The following STRADA variants were observed in gnomAD, a reference collection of about 807,000 sequenced individuals.
The protein encoded by STRADA is STE20-related kinase adapter protein alpha.
A neutral mutation model predicts 55.0 loss-of-function variants in STRADA; 26 were observed. The ratio of observed to expected loss-of-function variants is 0.47; its 90% CI spans 0.35 to 0.66. The LOEUF (loss-of-function observed/expected upper bound fraction) is 0.66, where lower values mean the gene tolerates loss of function less well. STRADA is among the 30% of genes least tolerant of loss of function. The pLI, the probability that STRADA is intolerant of heterozygous loss-of-function variation, is 0.01. For synonymous variants in STRADA, 197 were observed against 210.9 expected, an observed-to-expected ratio of 0.93 and a Z score of 0.57; for missense variants, 443 against 549.7, an observed-to-expected ratio of 0.81 and a Z score of 1.94.
intron 1 of STRADA, among the ~76,000 whole-genome samples, chr17:63,739,805 G>GTACA (rs1555712015): frequency 1.3e-4 from 4 of 30,990 alleles, no homozygotes; most frequent in African/African-American, 3.8e-4. Flanking sequence ...ATAATTATAT[G>GTACA]TATATACATA....
intron 12 of STRADA, 48 bp downstream of exon 12, chr17:63,703,957 G>A (rs765655757): frequency 3.8e-6 from 6 of 1,599,758 alleles, no homozygotes; most frequent in Non-Finnish European, 5.1e-6. Context: ...ATTGTGAGTT[G>A]TTAGAACCAG....
chr17:63,704,988 A>G, intron 10 of STRADA: 1 of 1,338,556 alleles, frequency 7.5e-7, no homozygotes, highest in Non-Finnish European at 1.0e-6. Context: ...ATGAGGTCTG[A>G]GAGGCAGTCC....
chr17:63,720,825 G>A lies in STRADA; in HGVS notation c.123+2473C>T, dbSNP rs534670430. Among the ~76,000 whole-genome samples the A allele has an allele frequency of 4.0e-5, 6 of 151,786 alleles. No individual in the cohort carries two copies. The East Asian group carries it at 1.2e-3, about 29-fold the overall frequency. On this transcript the variant is annotated intron_variant, in intron 4 of 12. Coordinates refer to ENST00000336174, the MANE Select transcript of STRADA (RefSeq NM_001003787.4). ...GAAAATAAAGTTCTTGGCCAGGCAT[G>A]GTGGCTCACGCCTGTAATCCCAGCA... is the stretch of plus-strand genomic sequence containing the variant.
rs1337166326 is a variant in STRADA, at chr17:63,714,757, T to C, written c.124-649A>G. 1.3e-5 allele frequency among the ~76,000 whole-genome samples: 2 copies of C among 152,204 alleles called. 1 individual carries two copies. The highest frequency in any genetic ancestry group is 2.9e-5 in the Non-Finnish European group (2 of 68,040). ...CTCCCTCGTTCCTGCCCACGTGTGC[T>C]GTGAGTGAAGCTGGAGTCCAGCCAC... is the stretch of plus-strand genomic sequence containing the variant. On this transcript the variant is annotated intron_variant, in intron 4 of 12. Coordinates refer to ENST00000336174, the MANE Select transcript of STRADA (RefSeq NM_001003787.4).
Position 63,707,104 on chromosome 17 carries a change from C to T in STRADA, c.753+143G>A. ...CACATCCATCTGCAGTGGACAGGCGCTGCCCACGCTGAGGGCTCCCTCCCT... is the reference window on the plus strand; with the variant it reads ...CACATCCATCTGCAGTGGACAGGCGTTGCCCACGCTGAGGGCTCCCTCCCT... On this transcript the variant is annotated intron_variant, in intron 9 of 12. Transcript: ENST00000336174. The T allele has an allele frequency of 3.9e-6, 4 of 1,015,518 alleles. No individual in the cohort carries two copies. The South Asian group carries it at 6.2e-5, about 16-fold the overall frequency. 62.9% of individuals were successfully genotyped at this position (1,015,518 alleles called of 1,614,324 possible). A position where few individuals can be genotyped will look rare whatever the true frequency, so the allele number is the denominator to read the frequency against.
chr17:63,730,083 G>C (rs535707475), intron 1 of STRADA, among the ~76,000 whole-genome samples: 6 of 151,864 alleles, frequency 4.0e-5, no homozygotes, highest in African/African-American at 1.4e-4. Flanking sequence ...TGATCCACCC[G>C]CCTCGGCCTC....
intron 4 of STRADA, among the ~76,000 whole-genome samples, chr17:63,722,202 T>G (rs2037363452): frequency 6.6e-6 from 1 of 152,252 alleles, no homozygotes; most frequent in Non-Finnish European, 1.5e-5. Context: ...AAATGCATTT[T>G]ATTCATTTTG....
In STRADA at chr17:63,713,867, C is replaced by A. The variant is rs545681702; in HGVS notation, c.226+139G>T. On this transcript the variant is annotated intron_variant, in intron 5 of 12. Transcript: ENST00000336174. Reference sequence around the variant, plus strand: ...ACTTGGCATAAAAAAACAGAGAAGACCCACAGAAGCAAGTCTGTGCCCATG... The same window carrying A: ...ACTTGGCATAAAAAAACAGAGAAGAACCACAGAAGCAAGTCTGTGCCCATG... 3.4e-5 allele frequency: 25 copies of A among 733,866 alleles called. No homozygotes were observed. The South Asian group carries it at 3.9e-4, about 11-fold the overall frequency. The allele number at this position is 733,866 out of a possible 1,614,324, so 45.5% of individuals were successfully genotyped here. A position where few individuals can be genotyped will look rare whatever the true frequency, so the allele number is the denominator to read the frequency against.
chr17:63,708,997 C>T (rs1005139169), intron 8 of STRADA, among the ~76,000 whole-genome samples: 1 of 152,184 alleles, frequency 6.6e-6, no homozygotes, highest in Non-Finnish European at 1.5e-5. Context: ...GTGTACCTTT[C>T]ATCTTTTCTT....
chr17:63,728,145 G>C, intron 2 of STRADA, 189 bp downstream of exon 2: 1 of 526,562 alleles, frequency 1.9e-6, no homozygotes, highest in Non-Finnish European at 3.4e-6. Flanking sequence ...TAAATTTTGT[G>C]TCTCTGGTCA....
chr17:63,705,190 T>A (rs2036001892), intron 10 of STRADA: 6 of 549,848 alleles, frequency 1.1e-5, no homozygotes, highest in Admixed American at 9.2e-5. Flanking sequence ...ACCTGGAAAT[T>A]GCTCTAGAGC....
At chr17:63,740,667 G>A (rs1006937525) in intron 1 of STRADA, among the ~76,000 whole-genome samples, 1 of 152,168 alleles carries the variant, frequency 6.6e-6, no homozygotes, top group African/African-American at 2.4e-5. Context: ...CAGGTGTGCA[G>A]GGAGGTTAAA....
chr17:63,740,107 T>TATATATATATATATACATACAC (rs1309095081), intron 1 of STRADA, among the ~76,000 whole-genome samples: 1 of 49,648 alleles, frequency 2.0e-5, no homozygotes, highest in African/African-American at 9.5e-5. Flanking sequence ...TATATATATA[T>TATATATATATATATACATACAC]ACATACATAC....
rs2037781998 is a variant in STRADA at position 63,728,188 on chromosome 17, G to A, written c.36+146C>T. On this transcript the variant is annotated intron_variant, in intron 2 of 12. Transcript: ENST00000336174. ...TCTGCAAACTCTTCTCAGGAGTGGAGGCTGCACTACCTGCCTTACTTCCTA... is the reference window on the plus strand; with the variant it reads ...TCTGCAAACTCTTCTCAGGAGTGGAAGCTGCACTACCTGCCTTACTTCCTA... The A allele has an allele frequency of 1.1e-5, 7 of 663,304 alleles. No homozygotes were observed. In the South Asian group the frequency reaches 1.4e-4, roughly 13 times the overall value. 41.1% of individuals were successfully genotyped at this position (663,304 alleles called of 1,614,324 possible).
rs941332450 is a variant in STRADA at position 63,703,722 on chromosome 17, G to A, written c.1173C>T (p.Pro391=). 12 of 1,614,186 alleles carry A rather than the reference G, an allele frequency of 7.4e-6. No individual in the cohort carries two copies. The highest frequency in any genetic ancestry group is 1.3e-5 in the African/African-American group (1 of 75,060). Residue 391 remains proline, a synonymous_variant, in exon 13 of 13, where the codon CCC becomes CCT. Coordinates refer to ENST00000336174, the MANE Select transcript of STRADA (RefSeq NM_001003787.4). ...QIKRRASEAL[P]ELLRPVTPIT... is the part of the protein sequence containing the mutation. ...TGGGGGTGACAGGACGAAGCAATTC[G>A]GGCAAAGCCTCTGAGGCACGTCGCT...
At chr17:63,713,923 G>T in intron 5 of STRADA, 83 bp downstream of exon 5, 1 of 1,131,062 alleles carries the variant, frequency 8.8e-7, no homozygotes. Context: ...GGCCTCTGCT[G>T]TACACACATC....
intron 4 of STRADA, 111 bp from the exon 5 acceptor site, chr17:63,714,219 C>T: frequency 1.4e-6 from 1 of 737,502 alleles, no homozygotes; most frequent in Non-Finnish European, 2.4e-6. Flanking sequence ...AACACACACA[C>T]AAATCCCGAC....
At chr17:63,718,331 G>A (rs1185590037) in intron 4 of STRADA, among the ~76,000 whole-genome samples, 3 of 152,124 alleles carry the variant, frequency 2.0e-5, no homozygotes, top group Non-Finnish European at 2.9e-5. Context: ...ACACAACCAG[G>A]AGGCAAAAAT....
chr17:63,706,540 G>T lies in STRADA; in HGVS notation c.858+95C>A, dbSNP rs1018626839. On this transcript the variant is annotated intron_variant, in intron 10 of 12. Transcript: ENST00000336174. ...GGAAAAGACAGGGTCTTTCATCTTAGTATTCCTAGTCTGTGTCCTGAGTGT... is the reference window on the plus strand; with the variant it reads ...GGAAAAGACAGGGTCTTTCATCTTATTATTCCTAGTCTGTGTCCTGAGTGT... 68 of 809,208 alleles carry T rather than the reference G, an allele frequency of 8.4e-5. No homozygotes were observed. In the East Asian group the frequency reaches 1.8e-3, roughly 21 times the overall value. The allele number at this position is 809,208 out of a possible 1,614,324, so 50.1% of individuals were successfully genotyped here.
Sources: allele counts gnomAD v4.1 joint callset (sites outside exome capture counted in the v4.1 genomes callset), GRCh38; gene constraint gnomAD v4.1.1; transcripts MANE v1.5; gene names NCBI Gene and HGNC (gene_info 2026-07-23, HGNC 2026-07-21).